ADCY2: variants seen among roughly 807,000 people sequenced by gnomAD.
ADCY2 encodes the protein adenylate cyclase type 2.
In ADCY2, 31 loss-of-function variants were observed where a neutral mutation model predicts 125.2. The ratio of observed to expected loss-of-function variants is 0.25; its 90% confidence interval spans 0.19 to 0.33. The LOEUF is 0.33. Among genes scored for constraint, ADCY2 ranks in the 10% least tolerant of loss-of-function variants. ADCY2 has a pLI of 1.00. For synonymous variants in ADCY2, 512 were observed against 548.4 expected (o/e 0.93, Z 0.93); for missense variants, 904 against 1,418.2 (o/e 0.64, Z 5.82).
chr5:7,455,681 C>A (rs1335359485), intron 2 of ADCY2, among the ~76,000 whole-genome samples: 4 of 144,552 alleles, frequency 2.8e-5, no homozygotes, highest in Admixed American at 1.4e-4. Flanking sequence ...ATAATACATA[C>A]ATTTTGTTAT....
intron 17 of ADCY2, 109 bp downstream of exon 17, chr5:7,766,915 C>A: frequency 2.2e-6 from 3 of 1,363,876 alleles, no homozygotes; most frequent in East Asian, 5.3e-5. Context: ...CATTTCCTCT[C>A]TGGTATCAAT....
At chr5:7,640,501 A>G (rs1375202114) in intron 4 of ADCY2, among the ~76,000 whole-genome samples, 5 of 152,322 alleles carry the variant, frequency 3.3e-5, no homozygotes, top group South Asian at 2.1e-4. Flanking sequence ...GACAAATTCT[A>G]TATTAGAAAG....
intron 4 of ADCY2, among the ~76,000 whole-genome samples, chr5:7,649,717 C>T (rs989072294): frequency 6.6e-6 from 1 of 152,168 alleles, no homozygotes; most frequent in Non-Finnish European, 1.5e-5. Context: ...TCCTATCTCT[C>T]CCCTGAAATC....
At chr5:7,705,752 CAA>C (rs143347181) in intron 7 of ADCY2, among the ~76,000 whole-genome samples, 2,089 of 152,132 alleles carry the variant, frequency 0.014, 26 homozygotes, top group Non-Finnish European at 0.019. Flanking sequence ...ACAGTGAGGG[CAA>C]AAGAGGAAAG....
intron 19 of ADCY2, among the ~76,000 whole-genome samples, chr5:7,789,406 C>T (rs1178208781): frequency 2.0e-5 from 3 of 152,138 alleles, no homozygotes; most frequent in Non-Finnish European, 4.4e-5. Context: ...ATTTAAGCCT[C>T]CATATAGCTG....
At chr5:7,607,157 A>G (rs1269344745) in intron 3 of ADCY2, among the ~76,000 whole-genome samples, 3 of 152,170 alleles carry the variant, frequency 2.0e-5, no homozygotes, top group East Asian at 1.9e-4. Flanking sequence ...TTTCCTATTC[A>G]GTACAGCAGC....
At chr5:7,667,333 G>A (rs750277119) in intron 4 of ADCY2, among the ~76,000 whole-genome samples, 51 of 152,216 alleles carry the variant, frequency 3.4e-4, no homozygotes, top group Middle Eastern at 3.4e-3. Flanking sequence ...TGCAAAGGTC[G>A]CGTGTTCCAC....
At chr5:7,770,843 G>T (rs149801224) in intron 17 of ADCY2, among the ~76,000 whole-genome samples, 14 of 151,956 alleles carry the variant, frequency 9.2e-5, no homozygotes, top group African/African-American at 3.4e-4. Flanking sequence ...TTTTCATTTC[G>T]CTTTGTTTTG....
intron 3 of ADCY2, among the ~76,000 whole-genome samples, chr5:7,589,524 G>GAAAGAAAGGAAAAGAA (rs1554022167): frequency 1.5e-5 from 1 of 67,868 alleles, no homozygotes; most frequent in Non-Finnish European, 3.4e-5. Flanking sequence ...AGAAAAGAAA[G>GAAAGAAAGGAAAAGAA]AGAAAGAAAG....
At chr5:7,743,592 A>G (rs886558210) in intron 14 of ADCY2, 76 bp from the exon 15 acceptor site, 1 of 1,388,610 alleles carries the variant, frequency 7.2e-7, no homozygotes. Flanking sequence ...TCGTTAACCC[A>G]AAAGTATTAC....
At chr5:7,678,704 T>A (rs1003551204) in intron 4 of ADCY2, among the ~76,000 whole-genome samples, 1 of 152,212 alleles carries the variant, frequency 6.6e-6, no homozygotes, top group Non-Finnish European at 1.5e-5. Flanking sequence ...GACACCTTGT[T>A]GAATGGGAGA....
chr5:7,633,756 C>A (rs1430439044), intron 4 of ADCY2, among the ~76,000 whole-genome samples: 1 of 152,060 alleles, frequency 6.6e-6, no homozygotes, highest in Non-Finnish European at 1.5e-5. Flanking sequence ...ATAAGAAGCC[C>A]CCAAAACCAG....
chr5:7,508,000 ATT>A (rs139522505), intron 2 of ADCY2, among the ~76,000 whole-genome samples: 2 of 150,756 alleles, frequency 1.3e-5, no homozygotes, highest in African/African-American at 4.9e-5. Flanking sequence ...TAAGCTGACA[ATT>A]TTTTTTTTCT....
In ADCY2 at chr5:7,804,702, G is replaced by C. The variant is rs573068228; in HGVS notation, c.2883+10G>C. 1 of 1,610,018 alleles carries C rather than the reference G, an allele frequency of 6.2e-7. No individual in the cohort carries two copies. The highest frequency in any genetic ancestry group is 1.1e-5 in the South Asian group (1 of 90,988). ...CCAGGAGCACTCCCAGGTAAGACGCGTTGGCCACTTAACGGCACAGGTGAG... is the reference window on the plus strand; with the variant it reads ...CCAGGAGCACTCCCAGGTAAGACGCCTTGGCCACTTAACGGCACAGGTGAG... On this transcript the variant is annotated intron_variant, in intron 22 of 24. Coordinates refer to ENST00000338316, the MANE Select transcript of ADCY2 (RefSeq NM_020546.3).
chr5:7,415,895 C>A (rs1739922086), intron 2 of ADCY2, among the ~76,000 whole-genome samples: 1 of 151,954 alleles, frequency 6.6e-6, no homozygotes, highest in African/African-American at 2.4e-5. Flanking sequence ...GTTTTGAAGC[C>A]ATCCAGGGAG....
intron 3 of ADCY2, among the ~76,000 whole-genome samples, chr5:7,552,772 T>A (rs1461302422): frequency 1.3e-5 from 2 of 152,340 alleles, no homozygotes; most frequent in East Asian, 3.9e-4. Context: ...TCTCAGCGTT[T>A]GTAAAAAAGG....
intron 10 of ADCY2, among the ~76,000 whole-genome samples, chr5:7,712,461 C>T (rs1479643961): frequency 1.3e-5 from 2 of 152,160 alleles, no homozygotes; most frequent in Non-Finnish European, 2.9e-5. Flanking sequence ...TATTTTTGTT[C>T]TTTCTACAGC....
chr5:7,812,657 C>A (rs990192953), intron 22 of ADCY2, among the ~76,000 whole-genome samples: 1 of 152,180 alleles, frequency 6.6e-6, no homozygotes. Context: ...CCTGTAATCC[C>A]AGCACTTTGA....
intron 1 of ADCY2, among the ~76,000 whole-genome samples, chr5:7,402,762 A>G (rs1240391334): frequency 6.6e-6 from 1 of 152,224 alleles, no homozygotes; most frequent in African/African-American, 2.4e-5. Context: ...TAAATAATTT[A>G]TTGCATTTGA....
Sources: gnomAD v4.1 joint callset for allele counts (sites outside exome capture counted in the v4.1 genomes callset) on GRCh38, gnomAD v4.1.1 for gene constraint, MANE v1.5 for transcripts, NCBI Gene and HGNC (gene_info 2026-07-23, HGNC 2026-07-21) for gene names.